The following PSEN1 variants were observed in gnomAD, a reference collection of about 807,000 sequenced individuals.
PSEN1 encodes presenilin 1.
In PSEN1, 15 loss-of-function variants were observed where a neutral mutation model predicts 53.5. That is an observed-to-expected ratio of 0.28 (90% confidence interval 0.19 to 0.43). The LOEUF is 0.43. Ranked by LOEUF, PSEN1 falls within the 20% of genes least tolerant of loss-of-function variation. The pLI is 1.00. For missense variants in PSEN1, 387 were observed against 571.2 expected, an observed-to-expected ratio of 0.68 and a Z score of 3.29; for synonymous variants, 208 against 209.8, an observed-to-expected ratio of 0.99 and a Z score of 0.08.
Position 73,165,399 on chromosome 14 carries a change from T to G in PSEN1, c.88-5398T>G, listed in dbSNP as rs150575029. ...GATTCTCCTGCGTTAGCCTCCTGAG[T>G]ACCTGGGACTATAGGTATGTGCCAC... On this transcript the variant is annotated intron_variant, in intron 3 of 11. Coordinates refer to ENST00000324501, the MANE Select transcript of PSEN1 (RefSeq NM_000021.4). 2.4e-4 allele frequency among the ~76,000 whole-genome samples: 36 copies of G among 152,294 alleles called. No individual in the cohort carries two copies. The East Asian group carries it at 6.2e-3, about 26-fold the overall frequency.
intron 3 of PSEN1, among the ~76,000 whole-genome samples, chr14:73,163,549 T>C (rs910465533): frequency 1.3e-5 from 2 of 152,250 alleles, no homozygotes; most frequent in African/African-American, 2.4e-5. Flanking sequence ...AGAAAACTTA[T>C]ATTCTAAGAA....
intron 7 of PSEN1, among the ~76,000 whole-genome samples, chr14:73,196,535 G>A (rs184799994): frequency 5.8e-5 from 8 of 137,086 alleles, no homozygotes; most frequent in South Asian, 4.7e-4. Flanking sequence ...AGGCAGTGGC[G>A]CCATCTTGGC....
intron 3 of PSEN1, among the ~76,000 whole-genome samples, chr14:73,149,908 T>C (rs776410239): frequency 2.0e-4 from 31 of 152,364 alleles, no homozygotes; most frequent in Admixed American, 9.8e-4. Context: ...TTTCTTCAAC[T>C]CTAAGCAAAT....
chr14:73,184,332 G>A (rs1207445205), intron 5 of PSEN1, among the ~76,000 whole-genome samples: 9 of 123,926 alleles, frequency 7.3e-5, no homozygotes, highest in Admixed American at 7.4e-5. Context: ...CGGACGGGGC[G>A]GCTGGCCGGG....
chr14:73,211,243 A>G (rs1417121236), intron 9 of PSEN1, among the ~76,000 whole-genome samples: 1 of 152,178 alleles, frequency 6.6e-6, no homozygotes, highest in African/African-American at 2.4e-5. Flanking sequence ...TTCCTACTCT[A>G]CCATCACTAG....
chr14:73,221,605 A>AAGGATT lies in PSEN1; in HGVS notation c.*2320_*2321insTTAGGA, dbSNP rs1044255203. On this transcript the variant is annotated 3_prime_UTR_variant, in exon 12 of 12. Transcript: ENST00000324501. ...CCTATCTTTCCTTTTTTTTTTTTTAAAGGACAGGATTTTGCTGTGTTGCCC... is the reference window on the plus strand; with the variant it reads ...CCTATCTTTCCTTTTTTTTTTTTTAAAGGATTAGGACAGGATTTTGCTGTGTTGCCC... 2.0e-5 allele frequency: 3 copies of AAGGATT among 151,328 alleles called. No homozygotes were observed. Among genetic ancestry groups the AAGGATT allele is most frequent in the Non-Finnish European group, 2.9e-5 (2 of 67,846 alleles). 9.4% of individuals were successfully genotyped at this position (151,328 alleles called of 1,614,324 possible).
chr14:73,213,324 A>AT (rs1899777497), intron 10 of PSEN1, among the ~76,000 whole-genome samples: 1 of 152,150 alleles, frequency 6.6e-6, no homozygotes, highest in Admixed American at 6.5e-5. Context: ...GCAGCAGCAT[A>AT]ATTCTTTCAT....
In PSEN1 at chr14:73,173,680, G is replaced by T; in HGVS notation, c.453G>T (p.Val151=). The change falls in exon 5 of 12, where the codon GTG becomes GTT. Residue 151 remains valine (V), a synonymous_variant. Transcript: ENST00000324501. ...SVIVVMTILL[V]VLYKYRCYKV... is the part of the protein sequence containing the mutation. ...TTGTTGTCATGACTATCCTCCTGGT[G>T]GTTCTGTATAAATACAGGTGCTATA... is the stretch of plus-strand genomic sequence containing the variant. 1 of 1,614,074 alleles carries T rather than the reference G, an allele frequency of 6.2e-7. No homozygotes were observed. The highest frequency in any genetic ancestry group is 2.2e-5 in the East Asian group (1 of 44,892).
At chr14:73,217,356 A>C (rs1899960325) in intron 11 of PSEN1, 112 bp downstream of exon 11, 3 of 1,254,076 alleles carry the variant, frequency 2.4e-6, no homozygotes, top group Non-Finnish European at 3.5e-6. Flanking sequence ...TATTCCAGCT[A>C]TCTGAGGAGC....
At chr14:73,206,133 G>A (rs1405787440) in intron 8 of PSEN1, 5 of 485,718 alleles carry the variant, frequency 1.0e-5, no homozygotes, top group African/African-American at 2.0e-5. Flanking sequence ...CCTTTTCAGG[G>A]ACTAAAAATG....
intron 3 of PSEN1, among the ~76,000 whole-genome samples, chr14:73,162,995 T>C (rs748202007): frequency 1.3e-5 from 2 of 152,240 alleles, no homozygotes; most frequent in Non-Finnish European, 2.9e-5. Flanking sequence ...TGCCTGCTTT[T>C]AAACAAATAA....
chr14:73,216,573 A>G (rs1899923628), intron 10 of PSEN1, among the ~76,000 whole-genome samples: 2 of 152,140 alleles, frequency 1.3e-5, no homozygotes, highest in African/African-American at 4.8e-5. Flanking sequence ...AGCCTGACCA[A>G]CATGGTGAAA....
intron 3 of PSEN1, among the ~76,000 whole-genome samples, chr14:73,152,853 G>A (rs1230606675): frequency 6.6e-6 from 1 of 152,132 alleles, no homozygotes; most frequent in Admixed American, 6.5e-5. Context: ...GACCAGCCTG[G>A]CCATCACGGT....
At chr14:73,145,038 A>G (rs902431973) in intron 1 of PSEN1, among the ~76,000 whole-genome samples, 3 of 152,102 alleles carry the variant, frequency 2.0e-5, no homozygotes, top group Non-Finnish European at 2.9e-5. Context: ...GATTACAGGC[A>G]CGAGCTACCA....
rs1356073033 is a variant in PSEN1 at position 73,220,479 on chromosome 14, G to C, written c.*1190G>C. 1 of 152,500 alleles carries C rather than the reference G, an allele frequency of 6.6e-6. No individual in the cohort carries two copies. Among genetic ancestry groups the C allele is most frequent in the Non-Finnish European group, 1.5e-5 (1 of 68,028 alleles). The allele number at this position is 152,500 out of a possible 1,614,324, so 9.4% of individuals were successfully genotyped here. On this transcript the variant is annotated 3_prime_UTR_variant, in exon 12 of 12. Coordinates refer to ENST00000324501, the MANE Select transcript of PSEN1 (RefSeq NM_000021.4). ...TTGAACAAATAGCCAAAAGCTGGTG[G>C]TTGATGAATTATGAACTAGTTGTAT...
At chr14:73,168,208 T>C (rs1594993348) in intron 3 of PSEN1, 1 of 151,864 alleles carries the variant, frequency 6.6e-6, no homozygotes, top group African/African-American at 2.4e-5. Flanking sequence ...ATACAAAAAT[T>C]AGTTGGGCAT....
chr14:73,184,648 A>C (rs1392484730), intron 5 of PSEN1, among the ~76,000 whole-genome samples: 5 of 68,396 alleles, frequency 7.3e-5, no homozygotes, highest in Admixed American at 1.8e-4. Context: ...CGGGGGGCTG[A>C]CCCCCCCACC....
At chr14:73,209,451 G>A (rs1403038508) in intron 9 of PSEN1, among the ~76,000 whole-genome samples, 1 of 152,230 alleles carries the variant, frequency 6.6e-6, no homozygotes, top group African/African-American at 2.4e-5. Context: ...CTGTGAGCAT[G>A]TAGGTATATA....
intron 7 of PSEN1, among the ~76,000 whole-genome samples, chr14:73,197,172 A>G (rs946377678): frequency 2.0e-5 from 3 of 152,002 alleles, no homozygotes; most frequent in Admixed American, 6.6e-5. Context: ...TGACCTTGTG[A>G]TCCGCCCACC....
Sources: allele counts gnomAD v4.1 joint callset (sites outside exome capture counted in the v4.1 genomes callset), GRCh38; gene constraint gnomAD v4.1.1; transcripts MANE v1.5; gene names NCBI Gene and HGNC (gene_info 2026-07-23, HGNC 2026-07-21).